Variants in BCAS1 observed in about 807,000 individuals in gnomAD.
The protein encoded by BCAS1 is breast carcinoma-amplified sequence 1.
Under a neutral mutation model 65.4 loss-of-function variants are expected in BCAS1, and 46 were observed. That is an observed-to-expected ratio of 0.70 (90% confidence interval 0.55 to 0.90). BCAS1 has a LOEUF of 0.90. BCAS1 is among the 40% of genes least tolerant of loss of function. The pLI is 0.00. For synonymous variants in BCAS1, 298 were observed against 293.5 expected (o/e 1.02, Z -0.16); for missense variants, 793 against 771.2 (o/e 1.03, Z -0.33).
chr20:54,039,879 C>T (rs2091961225), intron 3 of BCAS1, among the ~76,000 whole-genome samples: 1 of 151,332 alleles, frequency 6.6e-6, no homozygotes, highest in Non-Finnish European at 1.5e-5. Flanking sequence ...ATCCCAGATA[C>T]ACATATACAG....
chr20:54,019,661 C>G (rs529831932), intron 4 of BCAS1, among the ~76,000 whole-genome samples: 5 of 152,296 alleles, frequency 3.3e-5, no homozygotes, highest in African/African-American at 1.2e-4. Flanking sequence ...ACCTTCCAAT[C>G]GGCTGGCAGC....
At chr20:53,974,239 C>T (rs2090265227) in intron 9 of BCAS1, among the ~76,000 whole-genome samples, 1 of 152,192 alleles carries the variant, frequency 6.6e-6, no homozygotes, top group Admixed American at 6.5e-5. Flanking sequence ...CCGCTTGGGT[C>T]CCCTTCCACG....
intron 10 of BCAS1, among the ~76,000 whole-genome samples, chr20:53,964,518 C>T (rs190346068): frequency 6.6e-6 from 1 of 152,304 alleles, no homozygotes; most frequent in African/African-American, 2.4e-5. Context: ...GTAATAAGAA[C>T]AATGGACAGC....
chr20:53,996,287 C>G (rs1485465068), intron 4 of BCAS1, among the ~76,000 whole-genome samples: 1 of 152,020 alleles, frequency 6.6e-6, no homozygotes, highest in Non-Finnish European at 1.5e-5. Context: ...CAAAGGGTAA[C>G]AAACACAGCA....
At chr20:53,974,228 C>G (rs2090264414) in intron 9 of BCAS1, among the ~76,000 whole-genome samples, 1 of 152,210 alleles carries the variant, frequency 6.6e-6, no homozygotes, top group Non-Finnish European at 1.5e-5. Context: ...GCAGCCACAA[C>G]CCGCTTGGGT....
At chr20:54,006,784 C>T (rs531947327) in intron 4 of BCAS1, among the ~76,000 whole-genome samples, 6 of 151,788 alleles carry the variant, frequency 4.0e-5, no homozygotes, top group Non-Finnish European at 8.8e-5. Flanking sequence ...CCTACGGTGT[C>T]ATGAAAGATT....
At chr20:54,052,538 G>C (rs534802005) in intron 3 of BCAS1, among the ~76,000 whole-genome samples, 1 of 152,286 alleles carries the variant, frequency 6.6e-6, no homozygotes, top group East Asian at 1.9e-4. Flanking sequence ...CATATTAAGA[G>C]GTGAGGCCTT....
chr20:54,030,431 T>C (rs150525649), intron 3 of BCAS1, among the ~76,000 whole-genome samples: 2 of 152,374 alleles, frequency 1.3e-5, no homozygotes, highest in East Asian at 3.9e-4. Flanking sequence ...GATACTGTGA[T>C]AACTTTTCAG....
intron 10 of BCAS1, among the ~76,000 whole-genome samples, chr20:53,963,400 G>C (rs1369458862): frequency 6.6e-6 from 1 of 151,856 alleles, no homozygotes; most frequent in African/African-American, 2.4e-5. Flanking sequence ...AGACTCACTT[G>C]AACTCGGGAG....
intron 9 of BCAS1, among the ~76,000 whole-genome samples, chr20:53,970,931 T>C (rs79178190): frequency 2.0e-5 from 3 of 151,604 alleles, no homozygotes; most frequent in Non-Finnish European, 4.4e-5. Context: ...TTTTTTTTTT[T>C]CTACTCAGTA....
chr20:54,014,328 G>C (rs1292343501), intron 4 of BCAS1, among the ~76,000 whole-genome samples: 3 of 152,164 alleles, frequency 2.0e-5, no homozygotes, highest in Admixed American at 6.5e-5. Flanking sequence ...TGGCTTCAAA[G>C]AGCAAACAGA....
intron 8 of BCAS1, among the ~76,000 whole-genome samples, chr20:53,978,439 A>G (rs984074457): frequency 6.6e-6 from 1 of 152,204 alleles, no homozygotes; most frequent in Non-Finnish European, 1.5e-5. Flanking sequence ...AAATAGTAGT[A>G]CGTATTAAAA....
intron 12 of BCAS1, among the ~76,000 whole-genome samples, chr20:53,948,681 C>G (rs2089414230): frequency 6.6e-6 from 1 of 152,252 alleles, no homozygotes; most frequent in Admixed American, 6.5e-5. Context: ...TCACAGTTCA[C>G]AAGGCCAAAC....
intron 3 of BCAS1, among the ~76,000 whole-genome samples, chr20:54,045,650 A>G (rs985841940): frequency 4.6e-5 from 7 of 152,226 alleles, no homozygotes; most frequent in African/African-American, 1.7e-4. Context: ...AGCTCAACCA[A>G]TCAGAAACAG....
intron 4 of BCAS1, among the ~76,000 whole-genome samples, chr20:54,013,964 A>C (rs2091377366): frequency 6.6e-6 from 1 of 152,232 alleles, no homozygotes; most frequent in South Asian, 2.1e-4. Context: ...GCATTTTATA[A>C]TTTTTTGTTT....
Position 54,037,289 on chromosome 20 carries a change from C to G in BCAS1, c.143-8317G>C, listed in dbSNP as rs886583240. ...GCAGCAGAAAGAAGTGCCAAATGAACAGGGAAGAGCTCCTTATGAAACCAT... is the reference window on the plus strand; with the variant it reads ...GCAGCAGAAAGAAGTGCCAAATGAAGAGGGAAGAGCTCCTTATGAAACCAT... On this transcript the variant is annotated intron_variant, in intron 3 of 12. Coordinates refer to ENST00000688948, the MANE Select transcript of BCAS1 (RefSeq NM_001366298.2). Among the ~76,000 whole-genome samples, 3 of 151,284 alleles carry G rather than the reference C, an allele frequency of 2.0e-5. No individual in the cohort carries two copies. The Admixed American group carries it at 2.0e-4, about 10-fold the overall frequency.
At chr20:54,054,264 CA>C (rs2146299921) in intron 3 of BCAS1, among the ~76,000 whole-genome samples, 1 of 152,138 alleles carries the variant, frequency 6.6e-6, no homozygotes, top group Non-Finnish European at 1.5e-5. Flanking sequence ...ACCGTATCAC[CA>C]ATGAATTGTT....
At chr20:53,964,278 G>T (rs1423067141) in intron 10 of BCAS1, among the ~76,000 whole-genome samples, 1 of 152,190 alleles carries the variant, frequency 6.6e-6, no homozygotes, top group African/African-American at 2.4e-5. Context: ...ATAAATGAGT[G>T]AGCTAGACTG....
chr20:53,961,078 T>C (rs1833761174), intron 10 of BCAS1, among the ~76,000 whole-genome samples: 1 of 152,232 alleles, frequency 6.6e-6, no homozygotes, highest in South Asian at 2.1e-4. Context: ...TCACGCCTTG[T>C]ATATTAATGA....
Sources: gnomAD v4.1 joint callset for allele counts (sites outside exome capture counted in the v4.1 genomes callset) on GRCh38, gnomAD v4.1.1 for gene constraint, MANE v1.5 for transcripts, NCBI Gene and HGNC (gene_info 2026-07-23, HGNC 2026-07-21) for gene names.